CCDC91: variants seen among roughly 807,000 people sequenced by gnomAD.
The protein encoded by CCDC91 is coiled-coil domain containing 91.
In CCDC91, 48 loss-of-function variants were observed where a neutral mutation model predicts 63.2. That is an observed-to-expected ratio of 0.76 (90% CI 0.60 to 0.97). The LOEUF is 0.97. Ranked by LOEUF, CCDC91 falls within the 50% of genes least tolerant of loss-of-function variation. The pLI, the probability that CCDC91 is intolerant of heterozygous loss-of-function variation, is 0.00. For synonymous variants in CCDC91, 167 were observed against 165.8 expected (o/e 1.01, Z -0.06); for missense variants, 500 against 494.6 (o/e 1.01, Z -0.10).
intron 6 of CCDC91, among the ~76,000 whole-genome samples, chr12:28,321,883 ATATATTACATCACTATACGTATATCAT>A (rs1940540447): frequency 6.6e-6 from 1 of 151,730 alleles, no homozygotes; most frequent in Non-Finnish European, 1.5e-5. Context: ...TATATATGTC[ATATATTACATCACTATACGTATATCAT>A]TATACGTATA....
chr12:28,325,656 T>A (rs144497128), intron 6 of CCDC91, among the ~76,000 whole-genome samples: 1 of 151,878 alleles, frequency 6.6e-6, no homozygotes, highest in Non-Finnish European at 1.5e-5. Context: ...AAGTTGAAGA[T>A]GGCAAGAAGA....
At chr12:28,440,422 A>T (rs1358491127) in intron 8 of CCDC91, among the ~76,000 whole-genome samples, 2 of 152,194 alleles carry the variant, frequency 1.3e-5, no homozygotes, top group African/African-American at 4.8e-5. Context: ...AGCTAGAGTT[A>T]ATGATTGCAC....
intron 12 of CCDC91, among the ~76,000 whole-genome samples, chr12:28,517,615 G>A (rs1381444978): frequency 1.3e-5 from 2 of 151,834 alleles, no homozygotes; most frequent in East Asian, 3.9e-4. Flanking sequence ...TTATTGGGGA[G>A]CAGGTGGTAT....
intron 1 of CCDC91, among the ~76,000 whole-genome samples, chr12:28,233,567 T>G (rs1944746738): frequency 1.3e-5 from 2 of 152,124 alleles, no homozygotes; most frequent in African/African-American, 4.8e-5. Context: ...AGGAAGTAGT[T>G]CTTTTGATAC....
chr12:28,360,067 T>G (rs1359436924), intron 6 of CCDC91, among the ~76,000 whole-genome samples: 2 of 152,252 alleles, frequency 1.3e-5, no homozygotes, highest in Non-Finnish European at 2.9e-5. Flanking sequence ...AATGGGAAAC[T>G]ATCTTAAAGT....
chr12:28,299,686 T>G (rs1937830196), intron 3 of CCDC91, among the ~76,000 whole-genome samples: 2 of 151,708 alleles, frequency 1.3e-5, no homozygotes, highest in South Asian at 4.1e-4. Flanking sequence ...TCAGTCCTGT[T>G]TGTTTTTGGC....
chr12:28,408,680 T>A (rs1947124077), intron 8 of CCDC91, among the ~76,000 whole-genome samples: 1 of 152,160 alleles, frequency 6.6e-6, no homozygotes, highest in Non-Finnish European at 1.5e-5. Context: ...TCTTGCTCTG[T>A]ATCCCAGGCT....
chr12:28,197,317 A>G (rs529977492), intron 1 of CCDC91, among the ~76,000 whole-genome samples: 10 of 152,264 alleles, frequency 6.6e-5, no homozygotes, highest in South Asian at 2.1e-4. Flanking sequence ...GTCTGTAATC[A>G]TTAAATAACT....
chr12:28,441,081 A>AAGG (rs1949177478), intron 8 of CCDC91, among the ~76,000 whole-genome samples: 1 of 8,698 alleles, frequency 1.1e-4, no homozygotes, highest in Admixed American at 8.0e-4. Flanking sequence ...AAAAAAAAAA[A>AAGG]AAAGAAAAGA....
chr12:28,286,041 G>T (rs544456393), intron 3 of CCDC91, among the ~76,000 whole-genome samples: 5 of 151,894 alleles, frequency 3.3e-5, no homozygotes, highest in Non-Finnish European at 7.4e-5. Context: ...TGTGAATCTA[G>T]TTCTCAAATC....
At chr12:28,507,416 C>G (rs1456602867) in intron 12 of CCDC91, among the ~76,000 whole-genome samples, 1 of 151,962 alleles carries the variant, frequency 6.6e-6, no homozygotes, top group African/African-American at 2.4e-5. Context: ...TAGCCACCCC[C>G]TAGTTGTTAC....
chr12:28,377,733 A>G (rs1189535900), intron 7 of CCDC91, among the ~76,000 whole-genome samples: 1 of 151,980 alleles, frequency 6.6e-6, no homozygotes, highest in African/African-American at 2.4e-5. Context: ...ACTTATCATT[A>G]TAAGTACCTA....
At chr12:28,256,900 G>A in intron 1 of CCDC91, 1 of 273,030 alleles carries the variant, frequency 3.7e-6, no homozygotes, top group African/African-American at 2.3e-5. Context: ...AAAGCAGGAA[G>A]CATTATTGAA....
Position 28,549,064 on chromosome 12 carries a change from T to C in CCDC91, c.1217T>C (p.Leu406Pro). 6.2e-7 allele frequency: 1 copy of C among 1,603,212 alleles called. No homozygotes were observed. Among genetic ancestry groups the C allele is most frequent in the Non-Finnish European group, 8.5e-7 (1 of 1,171,390 alleles). Residue 406 changes from leucine to proline, a missense_variant and splice_region_variant, in exon 13 of 13, where the codon CTC becomes CCC. Coordinates refer to ENST00000536442, the MANE Select transcript of CCDC91 (RefSeq NM_018318.5). The part of the protein sequence containing the change: ...LIEYIKEQKR[L>P]DQVIRQRSLS... ...TCTCTCTTTAAAAAAATTAAACAGC[T>C]CGATCAAGTCATCCGCCAAAGAAGC...
At chr12:28,516,799 C>A (rs1341767304) in intron 12 of CCDC91, among the ~76,000 whole-genome samples, 1 of 151,804 alleles carries the variant, frequency 6.6e-6, no homozygotes, top group Admixed American at 6.6e-5. Context: ...ACATGTCAAC[C>A]CTACTACCTC....
At chr12:28,496,920 G>GTATATATATACA (rs951724782) in intron 12 of CCDC91, among the ~76,000 whole-genome samples, 2 of 142,662 alleles carry the variant, frequency 1.4e-5, no homozygotes, top group Admixed American at 7.1e-5. Context: ...CATATATAAG[G>GTATATATATACA]TATATATATA....
intron 4 of CCDC91, among the ~76,000 whole-genome samples, chr12:28,306,409 T>C (rs1201471054): frequency 2.0e-5 from 3 of 152,058 alleles, no homozygotes; most frequent in Non-Finnish European, 4.4e-5. Flanking sequence ...TAGGTCTGTG[T>C]GTAAATTTAA....
chr12:28,306,831 G>T lies in CCDC91; in HGVS notation c.357G>T (p.Val119=). The part of the protein sequence containing the change: ...DEKSNGTIAL[V]DDSEDPGANV... ...AAAGTAATGGAACAATTGCCCTTGT[G>T]GATGATTCTGAGGATCCTGGAGCCA... The change falls in exon 5 of 13, where the codon GTG becomes GTT. Residue 119 remains valine (V), a synonymous_variant. Coordinates refer to ENST00000536442, the MANE Select transcript of CCDC91 (RefSeq NM_018318.5). The T allele has an allele frequency of 6.2e-7, 1 of 1,611,880 alleles. No homozygotes were observed.
chr12:28,282,356 G>T (rs183316810), intron 3 of CCDC91, among the ~76,000 whole-genome samples: 1 of 152,252 alleles, frequency 6.6e-6, no homozygotes, highest in East Asian at 1.9e-4. Flanking sequence ...GTGAGAACAT[G>T]TAGTATTTGT....
Sources: gnomAD v4.1 joint callset for allele counts (sites outside exome capture counted in the v4.1 genomes callset) on GRCh38, gnomAD v4.1.1 for gene constraint, MANE v1.5 for transcripts, NCBI Gene and HGNC (gene_info 2026-07-23, HGNC 2026-07-21) for gene names.